Variants in CDH12 observed in about 807,000 individuals in gnomAD.
CDH12 encodes cadherin-12.
A neutral mutation model predicts 74.1 loss-of-function variants in CDH12; 41 were observed. The ratio of observed to expected loss-of-function variants is 0.55; its 90% CI spans 0.43 to 0.72. CDH12 has a LOEUF of 0.72. Ranked by LOEUF, CDH12 falls within the 30% of genes least tolerant of loss-of-function variation. The probability of loss-of-function intolerance (pLI) is 0.00; values close to 1 mark genes in which losing one functional copy is unlikely to be tolerated. For synonymous variants in CDH12, 399 were observed against 355.0 expected (o/e 1.12, Z -1.39); for missense variants, 945 against 977.2 (o/e 0.97, Z 0.44).
intron 3 of CDH12, among the ~76,000 whole-genome samples, chr5:22,237,402 A>G (rs1263609511): frequency 6.6e-6 from 1 of 152,118 alleles, no homozygotes; most frequent in African/African-American, 2.4e-5. Flanking sequence ...TAAAATCCTA[A>G]TCCTCAAGGT....
intron 6 of CDH12, among the ~76,000 whole-genome samples, chr5:21,865,644 C>T (rs1309036955): frequency 6.6e-6 from 1 of 152,120 alleles, no homozygotes; most frequent in Admixed American, 6.6e-5. Flanking sequence ...CTTTGACCCA[C>T]CACTCAGGAA....
At chr5:22,063,584 T>G (rs1741345389) in intron 5 of CDH12, among the ~76,000 whole-genome samples, 1 of 152,140 alleles carries the variant, frequency 6.6e-6, no homozygotes, top group Non-Finnish European at 1.5e-5. Flanking sequence ...GACTAACTGA[T>G]TACCTTCTCT....
intron 13 of CDH12, among the ~76,000 whole-genome samples, chr5:21,759,077 T>A (rs1744565297): frequency 6.6e-6 from 1 of 152,118 alleles, no homozygotes; most frequent in Admixed American, 6.6e-5. Context: ...TCATGAAATA[T>A]ACCCATGTAA....
intron 3 of CDH12, among the ~76,000 whole-genome samples, chr5:22,371,623 T>C (rs1741296568): frequency 1.3e-5 from 2 of 152,176 alleles, no homozygotes; most frequent in Admixed American, 1.3e-4. Context: ...GGGCTTTTTA[T>C]TAGTATGTTA....
At chr5:21,772,230 C>T (rs562176719) in intron 11 of CDH12, among the ~76,000 whole-genome samples, 3 of 152,150 alleles carry the variant, frequency 2.0e-5, no homozygotes, top group African/African-American at 7.2e-5. Context: ...ATGTGTACCT[C>T]TTTGCTTCAG....
chr5:22,134,804 C>G (rs1167801493), intron 4 of CDH12, among the ~76,000 whole-genome samples: 1 of 147,786 alleles, frequency 6.8e-6, no homozygotes, highest in Admixed American at 6.9e-5. Flanking sequence ...CTGTCACTTT[C>G]CCTGTCTCCA....
chr5:21,771,536 T>C (rs934776441), intron 11 of CDH12, among the ~76,000 whole-genome samples: 3 of 151,896 alleles, frequency 2.0e-5, no homozygotes, highest in Non-Finnish European at 4.4e-5. Context: ...TGGTTGAGAG[T>C]GTTAAGTTAT....
chr5:22,204,708 G>A (rs1467427039), intron 4 of CDH12, among the ~76,000 whole-genome samples: 2 of 152,248 alleles, frequency 1.3e-5, no homozygotes, highest in East Asian at 3.9e-4. Context: ...GTGCTGGAGG[G>A]TGTCAGGAAT....
chr5:22,316,488 AC>A (rs1221373224), intron 3 of CDH12, among the ~76,000 whole-genome samples: 1 of 152,146 alleles, frequency 6.6e-6, no homozygotes, highest in Non-Finnish European at 1.5e-5. Context: ...AATAATGCTT[AC>A]CTTGCATTCA....
chr5:21,846,154 G>A (rs1750155445), intron 7 of CDH12, among the ~76,000 whole-genome samples: 1 of 152,132 alleles, frequency 6.6e-6, no homozygotes, highest in African/African-American at 2.4e-5. Context: ...TGTGCAAATG[G>A]CACACCTAGC....
intron 6 of CDH12, among the ~76,000 whole-genome samples, chr5:21,879,895 A>G (rs1389547777): frequency 6.6e-6 from 1 of 152,254 alleles, no homozygotes; most frequent in African/African-American, 2.4e-5. Flanking sequence ...CATGGATTCA[A>G]TTAATAGTTG....
chr5:22,373,985 T>C lies in CDH12; in HGVS notation c.-333+31272A>G, dbSNP rs541883094. The stretch of plus-strand genomic sequence containing the variant: ...ATCCTGAATAAATAATTCAAAATAG[T>C]AAGCCAAATAAGGATACAGCAACAA... On this transcript the variant is annotated intron_variant, in intron 3 of 14. Coordinates refer to ENST00000382254, the MANE Select transcript of CDH12 (RefSeq NM_004061.5). Among the ~76,000 whole-genome samples, 26 of 152,128 alleles carry C rather than the reference T, an allele frequency of 1.7e-4. 2 individuals are homozygous for C. The South Asian group carries it at 5.4e-3, about 32-fold the overall frequency.
intron 4 of CDH12, among the ~76,000 whole-genome samples, chr5:22,171,082 A>C (rs1173881552): frequency 6.6e-6 from 1 of 151,880 alleles, no homozygotes; most frequent in Admixed American, 6.6e-5. Flanking sequence ...GAAAGAAACA[A>C]TCCAAGAATA....
intron 1 of CDH12, among the ~76,000 whole-genome samples, chr5:22,641,385 C>T (rs940509918): frequency 1.3e-5 from 2 of 152,094 alleles, no homozygotes; most frequent in African/African-American, 2.4e-5. Context: ...GAGGAAATCA[C>T]ATTTTCTCTG....
intron 6 of CDH12, chr5:21,883,478 G>T: frequency 6.2e-7 from 1 of 1,612,826 alleles, no homozygotes; most frequent in African/African-American, 1.3e-5. Flanking sequence ...TTGGTCTTCA[G>T]GTTGTGGCAG....
intron 1 of CDH12, among the ~76,000 whole-genome samples, chr5:22,801,834 T>C (rs543075363): frequency 1.1e-4 from 16 of 151,608 alleles, no homozygotes; most frequent in African/African-American, 2.9e-4. Flanking sequence ...GTGCATTTAC[T>C]TTAATTCAGT....
At chr5:22,214,375 C>T (rs1170839021) in intron 3 of CDH12, among the ~76,000 whole-genome samples, 3 of 152,088 alleles carry the variant, frequency 2.0e-5, no homozygotes, top group African/African-American at 7.2e-5. Flanking sequence ...AGCAGGAAAC[C>T]CATTATCCAA....
rs151227366 is a variant in CDH12 at position 22,577,723 on chromosome 5, G to A, written c.-522-72359C>T. Reference sequence around the variant, plus strand: ...CAGTTAAAAACTATGTCCAGATAACGGGAAACATACTGGATTACTGTTATT... The same window carrying A: ...CAGTTAAAAACTATGTCCAGATAACAGGAAACATACTGGATTACTGTTATT... On this transcript the variant is annotated intron_variant, in intron 1 of 14. Coordinates refer to ENST00000382254, the MANE Select transcript of CDH12 (RefSeq NM_004061.5). 9.6e-4 allele frequency among the ~76,000 whole-genome samples: 146 copies of A among 152,220 alleles called. 2 individuals carry two copies. Among genetic ancestry groups the A allele is most frequent in the African/African-American group, 3.2e-3 (132 of 41,534 alleles).
chr5:22,652,048 G>A (rs1739773063), intron 1 of CDH12, among the ~76,000 whole-genome samples: 1 of 152,014 alleles, frequency 6.6e-6, no homozygotes, highest in East Asian at 1.9e-4. Context: ...AATAATTACT[G>A]AATACTTCTA....
Sources: gnomAD v4.1 joint callset for allele counts (sites outside exome capture counted in the v4.1 genomes callset) on GRCh38, gnomAD v4.1.1 for gene constraint, MANE v1.5 for transcripts, NCBI Gene and HGNC (gene_info 2026-07-23, HGNC 2026-07-21) for gene names.